Variants in TACR3 observed in about 807,000 individuals in gnomAD.
The protein encoded by TACR3 is neuromedin-K receptor.
Under a neutral mutation model 35.0 loss-of-function variants are expected in TACR3, and 34 were observed. The ratio of observed to expected loss-of-function variants is 0.97; its 90% CI spans 0.74 to 1.30. The LOEUF (loss-of-function observed/expected upper bound fraction) is 1.30. Among genes scored for constraint, TACR3 ranks in the 50% most tolerant of loss-of-function variants. The pLI is 0.00. For missense variants in TACR3, 558 were observed against 591.7 expected, an observed-to-expected ratio of 0.94 and a Z score of 0.59; for synonymous variants, 233 against 221.1, an observed-to-expected ratio of 1.05 and a Z score of -0.48.
chr4:103,596,460 A>G lies in TACR3; in HGVS notation c.889-4777T>C, dbSNP rs144670633. 3.1e-3 allele frequency among the ~76,000 whole-genome samples: 469 copies of G among 151,930 alleles called. 4 individuals are homozygous for G. Among genetic ancestry groups the G allele is most frequent in the African/African-American group, 0.011 (439 of 41,430 alleles). ...TTGCCATTCTAACTGGTGTGAGACG[A>G]TATCTCATTGTGGTTTTGGTTTGCA... is the stretch of plus-strand genomic sequence containing the variant. On this transcript the variant is annotated intron_variant, in intron 3 of 4. Transcript: ENST00000304883.
intron 1 of TACR3, among the ~76,000 whole-genome samples, chr4:103,662,216 T>TG (rs11371212): frequency 0.21 from 27,760 of 130,012 alleles, 3,879 homozygotes; most frequent in African/African-American, 0.37. Flanking sequence ...ATGTTGATGG[T>TG]GTTTTTTTTT....
chr4:103,664,808 ATTC>A (rs1725903932), intron 1 of TACR3, among the ~76,000 whole-genome samples: 1 of 151,694 alleles, frequency 6.6e-6, no homozygotes, highest in African/African-American at 2.4e-5. Flanking sequence ...TGCCTTTTCT[ATTC>A]TTTGTTTGTT....
At chr4:103,701,904 A>T (rs1345171312) in intron 1 of TACR3, among the ~76,000 whole-genome samples, 2 of 152,172 alleles carry the variant, frequency 1.3e-5, no homozygotes, top group Non-Finnish European at 2.9e-5. Flanking sequence ...TTAATTCAAG[A>T]TGGATTAAAG....
At chr4:103,635,706 A>T (rs1725172576) in intron 3 of TACR3, among the ~76,000 whole-genome samples, 1 of 152,038 alleles carries the variant, frequency 6.6e-6, no homozygotes, top group Non-Finnish European at 1.5e-5. Flanking sequence ...TGCCTGGTAC[A>T]CATTAGATGT....
chr4:103,643,693 T>G (rs950230189), intron 3 of TACR3, among the ~76,000 whole-genome samples: 3 of 151,846 alleles, frequency 2.0e-5, no homozygotes, highest in African/African-American at 7.2e-5. Flanking sequence ...AAGCTCTATA[T>G]AATGATTGTA....
rs902341716 is a variant in TACR3, at chr4:103,706,838, GAT to G, written c.548+12288_548+12289del. On this transcript the variant is annotated intron_variant, in intron 1 of 4. Transcript: ENST00000304883. ...ATCAGGATCAGCAACTGGGGACTGG[GAT>G]AAAATCGATTCCAAGAGCTTTTGCC... 1.7e-4 allele frequency among the ~76,000 whole-genome samples: 26 copies of G among 152,274 alleles called. No homozygotes were observed. In the East Asian group the frequency reaches 2.5e-3, roughly 15 times the overall value.
At chr4:103,594,209 CT>C (rs1419144489) in intron 3 of TACR3, among the ~76,000 whole-genome samples, 2 of 150,064 alleles carry the variant, frequency 1.3e-5, no homozygotes, top group Non-Finnish European at 3.0e-5. Context: ...CAGAGTCTCA[CT>C]CTTGTCACCC....
chr4:103,689,307 G>A (rs962652764), intron 1 of TACR3, among the ~76,000 whole-genome samples: 5 of 151,214 alleles, frequency 3.3e-5, no homozygotes, highest in African/African-American at 1.2e-4. Flanking sequence ...GCTAGATGAC[G>A]AGTTAGTGGG....
chr4:103,603,643 G>A (rs1296624377), intron 3 of TACR3, among the ~76,000 whole-genome samples: 1 of 152,182 alleles, frequency 6.6e-6, no homozygotes, highest in Non-Finnish European at 1.5e-5. Context: ...ACGTGTGCAT[G>A]TGTCTTTATA....
At chr4:103,674,380 T>A (rs1307170599) in intron 1 of TACR3, among the ~76,000 whole-genome samples, 2 of 151,956 alleles carry the variant, frequency 1.3e-5, no homozygotes, top group Non-Finnish European at 2.9e-5. Flanking sequence ...TTACATGAAT[T>A]AAATAACTAT....
intron 1 of TACR3, among the ~76,000 whole-genome samples, chr4:103,671,161 ATG>A (rs2110336586): frequency 6.6e-6 from 1 of 151,868 alleles, no homozygotes; most frequent in East Asian, 1.9e-4. Context: ...GATCTTTTTA[ATG>A]TGTTGTTGAA....
intron 1 of TACR3, among the ~76,000 whole-genome samples, chr4:103,693,766 A>G (rs1158478466): frequency 6.6e-6 from 1 of 151,816 alleles, no homozygotes; most frequent in African/African-American, 2.4e-5. Flanking sequence ...AGTCAGATTA[A>G]TCAATGTTTT....
At chr4:103,631,093 G>A (rs559125601) in intron 3 of TACR3, among the ~76,000 whole-genome samples, 20 of 152,074 alleles carry the variant, frequency 1.3e-4, no homozygotes, top group African/African-American at 3.9e-4. Flanking sequence ...AACCAAACAC[G>A]GCATGTTCTC....
At chr4:103,613,286 T>C (rs1326018994) in intron 3 of TACR3, among the ~76,000 whole-genome samples, 1 of 152,208 alleles carries the variant, frequency 6.6e-6, no homozygotes, top group Middle Eastern at 3.2e-3. Flanking sequence ...TGATAAAGCC[T>C]CAGCTTTCTC....
At chr4:103,620,718 G>A (rs982347266) in intron 3 of TACR3, among the ~76,000 whole-genome samples, 3 of 151,904 alleles carry the variant, frequency 2.0e-5, no homozygotes, top group African/African-American at 7.3e-5. Flanking sequence ...ACATAAATAT[G>A]GGAACAATAC....
intron 1 of TACR3, among the ~76,000 whole-genome samples, chr4:103,683,470 C>CAAAAAAAAAA (rs57761679): frequency 4.3e-4 from 9 of 21,144 alleles, no homozygotes; most frequent in East Asian, 1.8e-3. Flanking sequence ...AAAGACTGAC[C>CAAAAAAAAAA]AAAAAAAAAA....
At chr4:103,715,953 A>T (rs1388181927) in intron 1 of TACR3, among the ~76,000 whole-genome samples, 1 of 152,136 alleles carries the variant, frequency 6.6e-6, no homozygotes, top group Non-Finnish European at 1.5e-5. Context: ...ACTAAATTCT[A>T]ATTTGATTAA....
intron 1 of TACR3, among the ~76,000 whole-genome samples, chr4:103,710,858 A>G (rs1578268444): frequency 6.6e-6 from 1 of 152,212 alleles, no homozygotes; most frequent in South Asian, 2.1e-4. Context: ...AGAACACTAT[A>G]AACACTTCTA....
rs72947149 is a variant in TACR3, at chr4:103,662,896, A to G, written c.549-4493T>C. On this transcript the variant is annotated intron_variant, in intron 1 of 4. Transcript: ENST00000304883. ...CAAACTTCCAGCCACCAGAACAATA[A>G]GACTATAAATTACTGTTATTTAAAG... Among the ~76,000 whole-genome samples, 1,347 of 152,272 alleles carry G rather than the reference A, an allele frequency of 8.8e-3. 21 individuals carry two copies. The highest frequency in any genetic ancestry group is 0.03 in the African/African-American group (1,238 of 41,550).
Sources: allele counts gnomAD v4.1 joint callset (sites outside exome capture counted in the v4.1 genomes callset), GRCh38; gene constraint gnomAD v4.1.1; transcripts MANE v1.5; gene names NCBI Gene and HGNC (gene_info 2026-07-23, HGNC 2026-07-21).